Variants in FGF14 observed in about 807,000 individuals in gnomAD.
FGF14 encodes fibroblast growth factor homologous factor 4.
A neutral mutation model predicts 25.5 loss-of-function variants in FGF14; 5 were observed. That is an observed-to-expected ratio of 0.20 (90% CI 0.10 to 0.41). FGF14 has a LOEUF of 0.41. Among genes scored for constraint, FGF14 ranks in the 10% least tolerant of loss-of-function variants. The pLI is 1.00. For missense variants in FGF14, 222 were observed against 320.1 expected, an observed-to-expected ratio of 0.69 and a Z score of 2.34; for synonymous variants, 138 against 118.3, an observed-to-expected ratio of 1.17 and a Z score of -1.08.
intron 1 of FGF14, among the ~76,000 whole-genome samples, chr13:102,038,121 G>A (rs895311349): frequency 5.9e-5 from 9 of 152,130 alleles, no homozygotes; most frequent in Non-Finnish European, 1.5e-5. Flanking sequence ...TATTTTGCAT[G>A]AAATGCTTTA....
At chr13:101,864,524 A>G (rs190222720) in intron 3 of FGF14, among the ~76,000 whole-genome samples, 24 of 152,256 alleles carry the variant, frequency 1.6e-4, no homozygotes, top group African/African-American at 5.8e-4. Flanking sequence ...CCACTGAACT[A>G]AAATATCTAG....
intron 1 of FGF14, among the ~76,000 whole-genome samples, chr13:101,939,613 T>C (rs1320666378): frequency 6.6e-6 from 1 of 152,220 alleles, no homozygotes; most frequent in Non-Finnish European, 1.5e-5. Flanking sequence ...GATTTGCATC[T>C]TGAGTAACAA....
intron 1 of FGF14, among the ~76,000 whole-genome samples, chr13:101,954,488 T>C (rs1375192320): frequency 6.6e-6 from 1 of 152,226 alleles, no homozygotes; most frequent in Non-Finnish European, 1.5e-5. Flanking sequence ...TACTGCCCAA[T>C]GGTCAGTATT....
chr13:102,025,545 A>C (rs756877289), intron 1 of FGF14, among the ~76,000 whole-genome samples: 1 of 151,992 alleles, frequency 6.6e-6, no homozygotes, highest in Non-Finnish European at 1.5e-5. Context: ...AGTAGCTGGG[A>C]CTACAGGTGT....
intron 1 of FGF14, among the ~76,000 whole-genome samples, chr13:102,307,334 C>G (rs1197245923): frequency 6.6e-6 from 1 of 152,182 alleles, no homozygotes. Flanking sequence ...CAGGAGACTT[C>G]TGACCTGCAG....
At position 101,717,180 on chromosome 13, in the gene FGF14, A is replaced by C. The variant is rs973437298; in HGVS notation, c.*5651T>G. The C allele has an allele frequency of 6.6e-6, 1 of 152,150 alleles. No homozygotes were observed. The highest frequency in any genetic ancestry group is 1.5e-5 in the Non-Finnish European group (1 of 68,012). The allele number at this position is 152,150 out of a possible 1,614,324, so 9.4% of individuals were successfully genotyped here. On this transcript the variant is annotated 3_prime_UTR_variant, in exon 5 of 5. Transcript: ENST00000376143. ...AACTTTATAAGTCAAATTTCCAAAA[A>C]TAAGGAAAATATGCATCCACTGAGT...
chr13:101,910,121 A>C lies in FGF14; in HGVS notation c.193+6332T>G, dbSNP rs184863789. On this transcript the variant is annotated intron_variant, in intron 1 of 4. Transcript: ENST00000376143. ...GGTGGGGGTAGGGGGGAGGGATAGC[A>C]TTAGGAGATATACCTAATGTTAAAT... Among the ~76,000 whole-genome samples the C allele has an allele frequency of 2.4e-3, 369 of 152,210 alleles. 3 individuals carry two copies. Among genetic ancestry groups the C allele is most frequent in the African/African-American group, 8.4e-3 (349 of 41,498 alleles).
chr13:102,060,852 C>T (rs1323820268), intron 1 of FGF14, among the ~76,000 whole-genome samples: 1 of 152,052 alleles, frequency 6.6e-6, no homozygotes, highest in South Asian at 2.1e-4. Context: ...TGGCCCATCA[C>T]GCTCCCATTC....
At chr13:102,239,332 A>T (rs991509123) in intron 1 of FGF14, among the ~76,000 whole-genome samples, 2 of 152,216 alleles carry the variant, frequency 1.3e-5, no homozygotes, top group Non-Finnish European at 2.9e-5. Flanking sequence ...GATAGAAATT[A>T]AAAGCCAAAT....
intron 3 of FGF14, among the ~76,000 whole-genome samples, chr13:101,728,574 T>G (rs1270467978): frequency 1.3e-5 from 2 of 152,164 alleles, no homozygotes; most frequent in Non-Finnish European, 2.9e-5. Flanking sequence ...ATCTGGCTTC[T>G]CCCCAAGAGA....
rs965938436 is a variant in FGF14, at chr13:102,057,216, G to A, written c.209-181920C>T. ...GATAACTGACCCATTAACAGAATAT[G>A]AAAAAAATAAGCAATGATAACTAGA... On this transcript the variant is annotated intron_variant, in intron 1 of 4. Coordinates refer to the FGF14 transcript ENST00000376131. Among the ~76,000 whole-genome samples the A allele has an allele frequency of 8.6e-5, 13 of 151,966 alleles. No individual in the cohort carries two copies. The East Asian group carries it at 2.5e-3, about 29-fold the overall frequency.
intron 3 of FGF14, among the ~76,000 whole-genome samples, chr13:101,742,746 C>T (rs1311816922): frequency 6.6e-6 from 1 of 152,086 alleles, no homozygotes; most frequent in Non-Finnish European, 1.5e-5. Context: ...TTGGGCAAAG[C>T]TGCCTCCCAT....
chr13:102,161,055 T>C (rs1253905200), intron 1 of FGF14, among the ~76,000 whole-genome samples: 1 of 151,818 alleles, frequency 6.6e-6, no homozygotes, highest in Non-Finnish European at 1.5e-5. Flanking sequence ...GAGAGGAAAA[T>C]AAACAAAGTA....
At chr13:102,380,069 TA>T (rs1412913344) in intron 1 of FGF14, among the ~76,000 whole-genome samples, 1 of 151,930 alleles carries the variant, frequency 6.6e-6, no homozygotes, top group African/African-American at 2.4e-5. Context: ...TCCCTTTTCT[TA>T]ATTTCTCAGA....
chr13:102,365,869 T>C (rs1594957810), intron 1 of FGF14, among the ~76,000 whole-genome samples: 2 of 152,342 alleles, frequency 1.3e-5, no homozygotes, highest in African/African-American at 4.8e-5. Context: ...ATATAATATA[T>C]AGTCACTATT....
intron 1 of FGF14, among the ~76,000 whole-genome samples, chr13:102,376,536 G>T (rs1346698902): frequency 6.6e-6 from 1 of 152,052 alleles, no homozygotes; most frequent in Non-Finnish European, 1.5e-5. Flanking sequence ...ATGTCATCAT[G>T]GCTTTTATAG....
chr13:101,818,310 A>T (rs377038765), intron 3 of FGF14, among the ~76,000 whole-genome samples: 4 of 152,336 alleles, frequency 2.6e-5, no homozygotes, highest in South Asian at 2.1e-4. Flanking sequence ...ATCATTATCA[A>T]CCATACTATA....
At chr13:102,310,319 G>A (rs1015769344) in intron 1 of FGF14, among the ~76,000 whole-genome samples, 6 of 152,114 alleles carry the variant, frequency 3.9e-5, no homozygotes, top group Non-Finnish European at 7.4e-5. Context: ...CTCACTTAGA[G>A]TATATTTTTA....
At chr13:102,139,029 C>A (rs1323636267) in intron 1 of FGF14, among the ~76,000 whole-genome samples, 1 of 152,104 alleles carries the variant, frequency 6.6e-6, no homozygotes, top group Non-Finnish European at 1.5e-5. Context: ...GTAAAATTCC[C>A]TTTGATGGTC....
Sources: allele counts gnomAD v4.1 joint callset (sites outside exome capture counted in the v4.1 genomes callset), GRCh38; gene constraint gnomAD v4.1.1; transcripts MANE v1.5; gene names NCBI Gene and HGNC (gene_info 2026-07-23, HGNC 2026-07-21).